The following STX8 variants were observed in gnomAD, a reference collection of about 807,000 sequenced individuals.
The protein encoded by STX8 is syntaxin-8.
STX8 carries 23 observed loss-of-function variants against 37.5 expected under a neutral mutation model. The ratio of observed to expected loss-of-function variants is 0.61; its 90% CI spans 0.44 to 0.87. STX8 has a LOEUF of 0.87. Among genes scored for constraint, STX8 ranks in the 40% least tolerant of loss-of-function variants. The probability of loss-of-function intolerance (pLI) is 0.00; values close to 1 mark genes in which losing one functional copy is unlikely to be tolerated. For missense variants in STX8, 313 were observed against 284.7 expected, an observed-to-expected ratio of 1.10 and a Z score of -0.71; for synonymous variants, 115 against 99.1, an observed-to-expected ratio of 1.16 and a Z score of -0.95.
At chr17:9,552,767 C>T (rs1398141370) in intron 3 of STX8, 1 of 151,868 alleles carries the variant, frequency 6.6e-6, no homozygotes, top group Non-Finnish European at 1.5e-5. Context: ...ATTCTCCTGC[C>T]TCAGCCTCCC....
chr17:9,525,370 G>A (rs189157749), intron 4 of STX8, among the ~76,000 whole-genome samples: 200 of 149,240 alleles, frequency 1.3e-3, no homozygotes, highest in African/African-American at 4.8e-3. Context: ...TTTTTGAGAC[G>A]GAGTCTCACT....
chr17:9,368,231 A>C (rs916370293), intron 7 of STX8, among the ~76,000 whole-genome samples: 1 of 148,942 alleles, frequency 6.7e-6, no homozygotes, highest in Non-Finnish European at 1.5e-5. Flanking sequence ...TGGGCCAGGC[A>C]TGGTGGCTCA....
chr17:9,491,767 A>G, intron 6 of STX8, 62 bp downstream of exon 6: 1 of 1,387,662 alleles, frequency 7.2e-7, no homozygotes, highest in Non-Finnish European at 1.0e-6. Context: ...CATTCAACAA[A>G]TGCTCAAGCC....
intron 7 of STX8, among the ~76,000 whole-genome samples, chr17:9,372,083 C>CTA (rs1476215022): frequency 6.6e-6 from 1 of 152,150 alleles, no homozygotes; most frequent in Non-Finnish European, 1.5e-5. Context: ...GCACCTCGAG[C>CTA]TATAACAGGT....
At chr17:9,568,120 A>G (rs892920345) in intron 2 of STX8, among the ~76,000 whole-genome samples, 3 of 152,200 alleles carry the variant, frequency 2.0e-5, no homozygotes, top group African/African-American at 4.8e-5. Context: ...AAGTTTACTA[A>G]CCCCTGAACT....
chr17:9,475,574 T>C (rs1177415956), intron 6 of STX8, among the ~76,000 whole-genome samples: 1 of 152,100 alleles, frequency 6.6e-6, no homozygotes, highest in Admixed American at 6.5e-5. Context: ...CAGCCTTCTC[T>C]GGAGAGGAAA....
chr17:9,392,575 T>G (rs1912261741), intron 6 of STX8, among the ~76,000 whole-genome samples: 1 of 152,068 alleles, frequency 6.6e-6, no homozygotes. Context: ...CCACTACACT[T>G]CAGCCTGGAT....
chr17:9,485,087 A>G (rs1906526001), intron 6 of STX8, among the ~76,000 whole-genome samples: 1 of 151,884 alleles, frequency 6.6e-6, no homozygotes, highest in Admixed American at 6.6e-5. Flanking sequence ...CCAGGAATTC[A>G]AGTCCAGCCT....
chr17:9,446,941 G>A (rs1333509347), intron 6 of STX8, among the ~76,000 whole-genome samples: 2 of 152,062 alleles, frequency 1.3e-5, no homozygotes, highest in East Asian at 3.8e-4. Flanking sequence ...TGATTTGATA[G>A]GATTTAAGAT....
intron 7 of STX8, among the ~76,000 whole-genome samples, chr17:9,369,709 T>C (rs1911341198): frequency 6.8e-6 from 1 of 147,336 alleles, no homozygotes; most frequent in African/African-American, 2.5e-5. Context: ...CTGGGCAACA[T>C]GGTGAAATCC....
chr17:9,425,749 T>C (rs1237403590), intron 6 of STX8, among the ~76,000 whole-genome samples: 1 of 152,128 alleles, frequency 6.6e-6, no homozygotes, highest in Non-Finnish European at 1.5e-5. Flanking sequence ...GCTTCACAGG[T>C]TCTACTAAGC....
At chr17:9,460,797 G>A (rs1033427566) in intron 6 of STX8, among the ~76,000 whole-genome samples, 1 of 152,034 alleles carries the variant, frequency 6.6e-6, no homozygotes, top group African/African-American at 2.4e-5. Context: ...AGACTGATCT[G>A]GGTTCAAATT....
intron 6 of STX8, among the ~76,000 whole-genome samples, chr17:9,399,652 G>A (rs1452836400): frequency 6.6e-6 from 1 of 151,996 alleles, no homozygotes; most frequent in Non-Finnish European, 1.5e-5. Flanking sequence ...GATCACCTGA[G>A]GTCAAGAGTT....
chr17:9,456,695 C>T (rs1905195362), intron 6 of STX8, among the ~76,000 whole-genome samples: 1 of 152,128 alleles, frequency 6.6e-6, no homozygotes, highest in African/African-American at 2.4e-5. Context: ...CTGGAGGTCA[C>T]TATAGGAAAT....
At chr17:9,501,336 TAC>T (rs1904602096) in intron 5 of STX8, among the ~76,000 whole-genome samples, 1 of 152,128 alleles carries the variant, frequency 6.6e-6, no homozygotes, top group South Asian at 2.1e-4. Flanking sequence ...AAATAATTAA[TAC>T]AGTGAGGCAT....
At chr17:9,428,104 T>C (rs1458912001) in intron 6 of STX8, among the ~76,000 whole-genome samples, 1 of 152,138 alleles carries the variant, frequency 6.6e-6, no homozygotes, top group Non-Finnish European at 1.5e-5. Context: ...AGAAGGCCCT[T>C]TCCAAGTCTC....
At chr17:9,252,906 G>A (rs1057196126) in intron 7 of STX8, among the ~76,000 whole-genome samples, 1 of 140,312 alleles carries the variant, frequency 7.1e-6, no homozygotes, top group African/African-American at 2.6e-5. Context: ...GTAGAGGGTT[G>A]TCAAAAAGGT....
rs1913300058 is a variant in STX8, at chr17:9,418,808, C to G, written c.542-40155G>C. 2.7e-5 allele frequency among the ~76,000 whole-genome samples: 3 copies of G among 109,884 alleles called. No homozygotes were observed. In the South Asian group the frequency reaches 8.5e-4, roughly 31 times the overall value. The allele number at this position is 109,884 out of a possible 152,430, so 72.1% of individuals were successfully genotyped here. On this transcript the variant is annotated intron_variant, in intron 6 of 7. Coordinates refer to ENST00000306357, the MANE Select transcript of STX8 (RefSeq NM_004853.3). Reference sequence around the variant, plus strand: ...CGCCACTGCACTCTAGCCTGGGCGACAGAGCAAGACTCCGTCTCAAAAAAA... The same window carrying G: ...CGCCACTGCACTCTAGCCTGGGCGAGAGAGCAAGACTCCGTCTCAAAAAAA...
chr17:9,484,141 AT>A (rs1487975771), intron 6 of STX8, among the ~76,000 whole-genome samples: 2 of 152,174 alleles, frequency 1.3e-5, no homozygotes, highest in Non-Finnish European at 2.9e-5. Context: ...CTGAACCCTT[AT>A]TCATATTCAT....
Sources: allele counts gnomAD v4.1 joint callset (sites outside exome capture counted in the v4.1 genomes callset), GRCh38; gene constraint gnomAD v4.1.1; transcripts MANE v1.5; gene names NCBI Gene and HGNC (gene_info 2026-07-23, HGNC 2026-07-21).